Variants in PSMG2 observed in about 807,000 individuals in gnomAD.
PSMG2 encodes CD40 ligand-activated specific transcript 3.
A neutral mutation model predicts 31.5 loss-of-function variants in PSMG2; 21 were observed. The ratio of observed to expected loss-of-function variants is 0.67; its 90% CI spans 0.47 to 0.96. The LOEUF (loss-of-function observed/expected upper bound fraction) is 0.96. PSMG2 is among the 40% of genes least tolerant of loss of function. The pLI is 0.00. For missense variants in PSMG2, 318 were observed against 321.2 expected (o/e 0.99, Z 0.08); for synonymous variants, 120 against 110.4 (o/e 1.09, Z -0.54).
At position 12,705,574 on chromosome 18, in the gene PSMG2, A is replaced by AGT. The variant is rs1222721405; in HGVS notation, c.58-975_58-974insTG. On this transcript the variant is annotated intron_variant, in intron 1 of 6. Coordinates refer to ENST00000317615, the MANE Select transcript of PSMG2 (RefSeq NM_020232.5). Reference sequence around the variant, plus strand: ...GAGAGAGAGAGAGAGAGAGAGAGAGAGAGTGTGTGTGTGTGTGTGTGTGTG... The same window carrying AGT: ...GAGAGAGAGAGAGAGAGAGAGAGAGAGTGAGTGTGTGTGTGTGTGTGTGTGTG... Among the ~76,000 whole-genome samples, 236 of 135,792 alleles carry AGT rather than the reference A, an allele frequency of 1.7e-3. 1 individual carries two copies. The highest frequency in any genetic ancestry group is 0.017 in the South Asian group (67 of 4,058). 89.1% of individuals were successfully genotyped at this position (135,792 alleles called of 152,430 possible).
chr18:12,662,128 C>G (rs1305131421), intron 1 of PSMG2: 4 of 449,262 alleles, frequency 8.9e-6, no homozygotes, highest in Non-Finnish European at 1.8e-5. Flanking sequence ...CCAAGCTTTT[C>G]CCAGACACTT....
chr18:12,692,867 G>A (rs2039817873), intron 1 of PSMG2, among the ~76,000 whole-genome samples: 2 of 152,182 alleles, frequency 1.3e-5, no homozygotes, highest in Admixed American at 6.5e-5. Flanking sequence ...CTGTCACCCA[G>A]TCTGGAGTGC....
intron 1 of PSMG2, chr18:12,672,611 C>G (rs977848112): frequency 1.0e-6 from 1 of 970,614 alleles, no homozygotes; most frequent in African/African-American, 1.8e-5. Flanking sequence ...AATGAATCCT[C>G]TGACCACAGA....
rs189208633 is a variant in PSMG2 at position 12,674,422 on chromosome 18, G to T, written c.-37+15649G>T. The T allele has an allele frequency of 4.6e-4, 331 of 719,570 alleles. 1 individual carries two copies. In the African/African-American group the frequency reaches 5.7e-3, roughly 12 times the overall value. The allele number at this position is 719,570 out of a possible 1,614,324, so 44.6% of individuals were successfully genotyped here. A position where few individuals can be genotyped will look rare whatever the true frequency, so the allele number is the denominator to read the frequency against. ...GTGCCACTGTACTCCAGCATGGGCA[G>T]CAGAGCAAGACCTTGAGTTAAAAAA... On this transcript the variant is annotated intron_variant, in intron 1 of 6. Coordinates refer to the PSMG2 transcript ENST00000585331.
intron 1 of PSMG2, among the ~76,000 whole-genome samples, chr18:12,704,543 C>G (rs1385912976): frequency 1.3e-5 from 2 of 152,026 alleles, no homozygotes; most frequent in Non-Finnish European, 2.9e-5. Context: ...GAGCTGAAAT[C>G]GTGCCACTGC....
intron 5 of PSMG2, among the ~76,000 whole-genome samples, chr18:12,723,668 AG>A (rs1408113438): frequency 1.3e-5 from 2 of 152,320 alleles, no homozygotes; most frequent in Admixed American, 1.3e-4. Flanking sequence ...CTGGGATTAC[AG>A]GCTTGAGCCA....
upstream of PSMG2, chr18:12,698,722 A>G: frequency 6.6e-6 from 3 of 455,010 alleles, no homozygotes; most frequent in East Asian, 3.7e-5. Context: ...CACTATGCAC[A>G]TAATAGGTAT....
chr18:12,684,641 T>C (rs2039474771), intron 1 of PSMG2: 1 of 151,778 alleles, frequency 6.6e-6, no homozygotes, highest in Non-Finnish European at 1.5e-5. Flanking sequence ...CCACCATGGC[T>C]GGCTAATTTT....
intron 1 of PSMG2, chr18:12,661,257 G>A (rs9635805): frequency 0.14 from 62,466 of 431,418 alleles, 4,959 homozygotes; most frequent in East Asian, 0.23. Context: ...GCAGTGAGCC[G>A]AGATCACGCC....
intron 1 of PSMG2, chr18:12,670,924 T>C (rs908976758): frequency 2.0e-5 from 3 of 152,070 alleles, no homozygotes; most frequent in Middle Eastern, 3.2e-3. Context: ...ACTGGAATTA[T>C]AGGTGTGAAC....
intron 1 of PSMG2, chr18:12,673,245 G>A: frequency 7.0e-7 from 1 of 1,433,186 alleles, no homozygotes. Context: ...ATACAAAATT[G>A]AAGTATGCCA....
intron 1 of PSMG2, chr18:12,691,115 T>A (rs1440790392): frequency 8.4e-6 from 3 of 357,952 alleles, no homozygotes; most frequent in Non-Finnish European, 1.5e-5. Context: ...AATAATTGAT[T>A]CAACCTGAGA....
chr18:12,694,475 G>C (rs537695908), intron 1 of PSMG2, among the ~76,000 whole-genome samples: 2 of 152,112 alleles, frequency 1.3e-5, no homozygotes, highest in Admixed American at 6.5e-5. Flanking sequence ...AAAATCTGCC[G>C]ATCTTTTAAG....
chr18:12,680,866 T>C (rs2039322587), intron 1 of PSMG2: 1 of 1,550,228 alleles, frequency 6.5e-7, no homozygotes, highest in Admixed American at 1.9e-5. Flanking sequence ...CATTCTTCCA[T>C]ATTATTTCCT....
chr18:12,664,467 T>C (rs1032178645), intron 1 of PSMG2, among the ~76,000 whole-genome samples: 1 of 151,866 alleles, frequency 6.6e-6, no homozygotes, highest in Non-Finnish European at 1.5e-5. Flanking sequence ...GGAGAATTGC[T>C]TGAACCCGGG....
At chr18:12,695,640 G>A (rs967968638) in intron 1 of PSMG2, among the ~76,000 whole-genome samples, 1 of 151,896 alleles carries the variant, frequency 6.6e-6, no homozygotes, top group Admixed American at 6.6e-5. Flanking sequence ...TAAACTCCAG[G>A]GCTCAAGTGA....
intron 1 of PSMG2, among the ~76,000 whole-genome samples, chr18:12,697,756 C>T (rs935149265): frequency 6.6e-6 from 1 of 152,164 alleles, no homozygotes; most frequent in Non-Finnish European, 1.5e-5. Context: ...CAAACTACCT[C>T]AAGAAATCCC....
intron 1 of PSMG2, among the ~76,000 whole-genome samples, chr18:12,667,848 CTTTT>C (rs36019439): frequency 2.1e-4 from 25 of 116,704 alleles, no homozygotes; most frequent in Non-Finnish European, 3.7e-4. Context: ...CTTTCTGATC[CTTTT>C]TTTTTTTTTT....
rs28716250 is a variant in PSMG2, at chr18:12,691,546, T to C, written c.-36-15004T>C. 159 of 1,291,794 alleles carry C rather than the reference T, an allele frequency of 1.2e-4. No individual in the cohort carries two copies. The African/African-American group carries it at 1.8e-3, about 15-fold the overall frequency. 80.0% of individuals were successfully genotyped at this position (1,291,794 alleles called of 1,614,324 possible). Reference sequence around the variant, plus strand: ...TTCATTATCTTTAATTACTACAAAATATGTAGCAAATTTATCTACTTCTCT... The same window carrying C: ...TTCATTATCTTTAATTACTACAAAACATGTAGCAAATTTATCTACTTCTCT... On this transcript the variant is annotated intron_variant, in intron 1 of 6. Transcript: ENST00000585331.
Sources: gnomAD v4.1 joint callset for allele counts (sites outside exome capture counted in the v4.1 genomes callset) on GRCh38, gnomAD v4.1.1 for gene constraint, MANE v1.5 for transcripts, NCBI Gene and HGNC (gene_info 2026-07-23, HGNC 2026-07-21) for gene names.